ELMO1: variants seen among roughly 807,000 people sequenced by gnomAD.
ELMO1 encodes engulfment and cell motility 1.
A neutral mutation model predicts 98.9 loss-of-function variants in ELMO1; 26 were observed. That is an observed-to-expected ratio of 0.26 (90% CI 0.19 to 0.36). The LOEUF is 0.36. ELMO1 is among the 10% of genes least tolerant of loss of function. The pLI is 1.00. For missense variants in ELMO1, 627 were observed against 935.2 expected (o/e 0.67, Z 4.30); for synonymous variants, 346 against 346.0 (o/e 1.00, Z 0.00).
At chr7:37,009,396 C>A (rs1793389043) in intron 16 of ELMO1, among the ~76,000 whole-genome samples, 1 of 152,186 alleles carries the variant, frequency 6.6e-6, no homozygotes, top group Non-Finnish European at 1.5e-5. Context: ...CTCTTCAATT[C>A]TACTTCTCTT....
At chr7:37,122,086 G>A (rs1786094421) in intron 14 of ELMO1, among the ~76,000 whole-genome samples, 1 of 152,132 alleles carries the variant, frequency 6.6e-6, no homozygotes, top group Non-Finnish European at 1.5e-5. Context: ...AACAAATGCT[G>A]AGAGATTTTT....
chr7:37,412,049 C>T (rs1285440043), intron 1 of ELMO1, among the ~76,000 whole-genome samples: 3 of 152,222 alleles, frequency 2.0e-5, no homozygotes, highest in Non-Finnish European at 4.4e-5. Flanking sequence ...CACAAAAACA[C>T]ACACACACAA....
chr7:37,237,353 G>C (rs1052162850), intron 7 of ELMO1, among the ~76,000 whole-genome samples: 1 of 152,068 alleles, frequency 6.6e-6, no homozygotes, highest in African/African-American at 2.4e-5. Flanking sequence ...GCAGTAGCGC[G>C]ATCTCAGCTC....
At position 37,384,898 on chromosome 7, in the gene ELMO1, G is replaced by A. The variant is rs895115219; in HGVS notation, c.-73-42135C>T. ...AAAAGACATGAGTAAAAATGCACAC[G>A]AATTCGTTTGAGCTTGTGACCATGT... On this transcript the variant is annotated intron_variant, in intron 1 of 21. Coordinates refer to ENST00000310758, the MANE Select transcript of ELMO1 (RefSeq NM_014800.11). 5.3e-5 allele frequency among the ~76,000 whole-genome samples: 8 copies of A among 152,246 alleles called. No homozygotes were observed. The South Asian group carries it at 6.2e-4, about 12-fold the overall frequency.
intron 13 of ELMO1, among the ~76,000 whole-genome samples, chr7:37,144,764 T>A (rs1372928364): frequency 6.6e-6 from 1 of 152,142 alleles, no homozygotes; most frequent in Non-Finnish European, 1.5e-5. Context: ...GCTGAAAATA[T>A]TATGAGTTAT....
At chr7:37,002,753 G>C (rs1562889089) in intron 16 of ELMO1, among the ~76,000 whole-genome samples, 1 of 152,204 alleles carries the variant, frequency 6.6e-6, no homozygotes, top group South Asian at 2.1e-4. Context: ...TGGCTGTGCT[G>C]TATGTATGAT....
chr7:37,436,169 C>T (rs184131230), intron 1 of ELMO1, among the ~76,000 whole-genome samples: 1 of 152,264 alleles, frequency 6.6e-6, no homozygotes, highest in Admixed American at 6.5e-5. Context: ...CAGTGAGTTA[C>T]TGTAGATCTG....
chr7:36,903,869 C>A (rs924046653), intron 16 of ELMO1, among the ~76,000 whole-genome samples: 22 of 152,348 alleles, frequency 1.4e-4, no homozygotes, highest in African/African-American at 5.0e-4. Context: ...CTGCTCCCGA[C>A]AGCACGGATA....
At chr7:37,195,465 G>A (rs762895097) in intron 13 of ELMO1, among the ~76,000 whole-genome samples, 21 of 152,222 alleles carry the variant, frequency 1.4e-4, no homozygotes, top group African/African-American at 3.6e-4. Context: ...GGTGACCGAT[G>A]GGACGCCATT....
chr7:37,070,302 G>C (rs1288364250), intron 15 of ELMO1, among the ~76,000 whole-genome samples: 1 of 152,210 alleles, frequency 6.6e-6, no homozygotes, highest in East Asian at 1.9e-4. Context: ...TCCACATCTT[G>C]GGGAGTGTGA....
At chr7:36,922,228 T>C (rs1171332191) in intron 16 of ELMO1, among the ~76,000 whole-genome samples, 2 of 151,592 alleles carry the variant, frequency 1.3e-5, no homozygotes, top group Non-Finnish European at 2.9e-5. Context: ...GCTCTTTTAC[T>C]AAGACTATAT....
At chr7:37,385,094 T>G (rs999398658) in intron 1 of ELMO1, among the ~76,000 whole-genome samples, 1 of 152,216 alleles carries the variant, frequency 6.6e-6, no homozygotes, top group African/African-American at 2.4e-5. Context: ...CATAAACCTC[T>G]CCTAGCTGCT....
intron 6 of ELMO1, among the ~76,000 whole-genome samples, chr7:37,255,872 G>C (rs2717963): frequency 0.23 from 34,418 of 152,026 alleles, 4,081 homozygotes; most frequent in Middle Eastern, 0.32. Flanking sequence ...GCCTCCCCCA[G>C]GCCCCACTCT....
intron 13 of ELMO1, among the ~76,000 whole-genome samples, chr7:37,182,596 CTT>C (rs1391203156): frequency 1.3e-5 from 2 of 149,634 alleles, no homozygotes; most frequent in African/African-American, 2.5e-5. Flanking sequence ...TCCTCTCTCT[CTT>C]CTCTCTCCCT....
chr7:37,066,367 G>A (rs1796964105), intron 15 of ELMO1, among the ~76,000 whole-genome samples: 1 of 152,144 alleles, frequency 6.6e-6, no homozygotes, highest in Non-Finnish European at 1.5e-5. Flanking sequence ...GAGGGCAATG[G>A]CAAGAATGAG....
At chr7:37,107,176 G>T (rs1344388146) in intron 14 of ELMO1, among the ~76,000 whole-genome samples, 1 of 152,084 alleles carries the variant, frequency 6.6e-6, no homozygotes, top group Non-Finnish European at 1.5e-5. Flanking sequence ...CCATTTTGAG[G>T]GTCTTGCAAT....
chr7:37,423,382 C>A (rs902227254), intron 1 of ELMO1, among the ~76,000 whole-genome samples: 3 of 152,184 alleles, frequency 2.0e-5, no homozygotes, highest in African/African-American at 7.2e-5. Flanking sequence ...GAGTTTGAGA[C>A]CAGCCTGGCC....
chr7:37,208,360 A>G (rs1289459875), intron 13 of ELMO1, among the ~76,000 whole-genome samples: 1 of 152,270 alleles, frequency 6.6e-6, no homozygotes, highest in Non-Finnish European at 1.5e-5. Context: ...ATCTAGGCCC[A>G]GTGAACTCCA....
At chr7:37,400,135 A>T (rs1803461521) in intron 1 of ELMO1, among the ~76,000 whole-genome samples, 1 of 152,206 alleles carries the variant, frequency 6.6e-6, no homozygotes, top group African/African-American at 2.4e-5. Context: ...TTTTGGAGGG[A>T]GTTATACATT....
Sources: allele counts gnomAD v4.1 joint callset (sites outside exome capture counted in the v4.1 genomes callset), GRCh38; gene constraint gnomAD v4.1.1; transcripts MANE v1.5; gene names NCBI Gene and HGNC (gene_info 2026-07-23, HGNC 2026-07-21).